The following SGSM1 variants were observed in gnomAD, a reference collection of about 807,000 sequenced individuals.
The protein encoded by SGSM1 is small G protein signaling modulator 1, also known as RUN and TBC1 domain containing 2.
Under a neutral mutation model 133.8 loss-of-function variants are expected in SGSM1, and 73 were observed. The ratio of observed to expected loss-of-function variants is 0.55; its 90% CI spans 0.45 to 0.66. SGSM1 has a LOEUF of 0.66. SGSM1 is among the 30% of genes least tolerant of loss of function. The pLI is 0.00. For missense variants in SGSM1, 1,213 were observed against 1,448.1 expected, an observed-to-expected ratio of 0.84 and a Z score of 2.64; for synonymous variants, 563 against 573.0, an observed-to-expected ratio of 0.98 and a Z score of 0.25.
rs1038536427 is a variant in SGSM1, at chr22:24,876,487, G to A, written c.1292-90G>A. The A allele has an allele frequency of 1.4e-4, 212 of 1,532,308 alleles. 1 individual carries two copies. The highest frequency in any genetic ancestry group is 2.2e-4 in the Middle Eastern group (1 of 4,512). The allele number at this position is 1,532,308 out of a possible 1,614,324, so 94.9% of individuals were successfully genotyped here. ...TTCCTATCTCTGTGCTGGCTGGGGC[G>A]GGTGAGCTGCTTGCTCTAGGGTGAG... On this transcript the variant is annotated intron_variant, in intron 12 of 24. Coordinates refer to ENST00000400358, the MANE Select transcript of SGSM1 (RefSeq NM_001098497.3).
intron 16 of SGSM1, 44 bp from the exon 17 acceptor site, chr22:24,893,387 C>G: frequency 1.9e-6 from 3 of 1,603,414 alleles, no homozygotes; most frequent in Non-Finnish European, 2.6e-6. Flanking sequence ...TCCCCAGGCG[C>G]CCCTTTGTTG....
At chr22:24,839,212 G>A (rs1416270430) in intron 2 of SGSM1, among the ~76,000 whole-genome samples, 4 of 152,068 alleles carry the variant, frequency 2.6e-5, no homozygotes, top group African/African-American at 9.7e-5. Flanking sequence ...ATGCCACCAT[G>A]CCTGGCTAGT....
intron 14 of SGSM1, among the ~76,000 whole-genome samples, chr22:24,882,019 C>G (rs969989992): frequency 2.0e-5 from 3 of 151,672 alleles, no homozygotes; most frequent in African/African-American, 4.8e-5. Flanking sequence ...TGGGGGGGGG[C>G]CTTTTTAATC....
In SGSM1 at chr22:24,868,476, C is replaced by T. The variant is rs777329028; in HGVS notation, c.1095C>T (p.Cys365=). 9.3e-6 allele frequency: 15 copies of T among 1,613,732 alleles called. No homozygotes were observed. Among genetic ancestry groups the T allele is most frequent in the Admixed American group, 1.7e-5 (1 of 60,002 alleles). ...GGCACCTCCTGCAGTTCCTCTCGTG[C>T]CTGGAGAATGGGCTGCTCCCACATG... ...KGGHLLQFLS[C]LENGLLPHGQ... Residue 365 remains cysteine (C), a synonymous_variant, in exon 11 of 25, where the codon TGC becomes TGT. Coordinates refer to ENST00000400358, the MANE Select transcript of SGSM1 (RefSeq NM_001098497.3).
At chr22:24,867,283 C>A in intron 10 of SGSM1, 123 bp downstream of exon 10, 2 of 874,410 alleles carry the variant, frequency 2.3e-6, no homozygotes, top group Non-Finnish European at 3.7e-6. Context: ...GTTACCTGTG[C>A]AACCTTAGGC....
chr22:24,843,230 G>A (rs1033117441), intron 2 of SGSM1, among the ~76,000 whole-genome samples: 102 of 152,134 alleles, frequency 6.7e-4, no homozygotes, highest in African/African-American at 2.2e-3. Flanking sequence ...GTGGAGCACT[G>A]AAATCAGGAG....
At chr22:24,901,532 G>A (rs1312189896) in intron 19 of SGSM1, among the ~76,000 whole-genome samples, 2 of 152,078 alleles carry the variant, frequency 1.3e-5, no homozygotes, top group East Asian at 1.9e-4. Flanking sequence ...AGGCCAGTAC[G>A]TTACCAGAAT....
At chr22:24,924,113 C>T (rs1934107946) in intron 24 of SGSM1, 73 bp from the exon 25 acceptor site, 2 of 1,431,126 alleles carry the variant, frequency 1.4e-6, no homozygotes, top group East Asian at 4.7e-5. Flanking sequence ...AGAGAAGCCT[C>T]CAGGGGCTGG....
At chr22:24,868,993 T>C (rs1049747799) in intron 12 of SGSM1, 138 bp downstream of exon 12, 53 of 1,311,540 alleles carry the variant, frequency 4.0e-5, no homozygotes, top group Middle Eastern at 2.7e-4. Context: ...AGTCGGTTTC[T>C]TGGCAGCCTC....
chr22:24,854,607 T>G (rs1034109963), intron 5 of SGSM1, among the ~76,000 whole-genome samples: 1 of 152,184 alleles, frequency 6.6e-6, no homozygotes, highest in Non-Finnish European at 1.5e-5. Flanking sequence ...AGGCCAGGAA[T>G]TCAAGACCAG....
chr22:24,888,508 C>T (rs1477321757), intron 16 of SGSM1, among the ~76,000 whole-genome samples: 1 of 152,190 alleles, frequency 6.6e-6, no homozygotes, highest in Non-Finnish European at 1.5e-5. Flanking sequence ...TGGCTCACGT[C>T]TATAATCCCA....
chr22:24,890,938 C>G (rs1193508394), intron 16 of SGSM1, among the ~76,000 whole-genome samples: 2 of 152,130 alleles, frequency 1.3e-5, no homozygotes, highest in African/African-American at 2.4e-5. Flanking sequence ...AAGATTTATA[C>G]AACTTATTTT....
chr22:24,838,557 C>T (rs746830832), intron 2 of SGSM1, among the ~76,000 whole-genome samples: 3 of 152,142 alleles, frequency 2.0e-5, no homozygotes, highest in Non-Finnish European at 4.4e-5. Flanking sequence ...AAGTTTCAAG[C>T]TTTTTAAGAC....
chr22:24,814,031 TC>T (rs1164454796), intron 2 of SGSM1: 3 of 152,214 alleles, frequency 2.0e-5, no homozygotes, highest in Non-Finnish European at 4.4e-5. Context: ...GGTCTCACTT[TC>T]CTGCTTTCTA....
chr22:24,838,876 G>A (rs1325712671), intron 2 of SGSM1, among the ~76,000 whole-genome samples: 3 of 149,966 alleles, frequency 2.0e-5, no homozygotes, highest in African/African-American at 7.4e-5. Context: ...GATAGTCAGG[G>A]TTCCATGAGA....
intron 2 of SGSM1, among the ~76,000 whole-genome samples, chr22:24,827,078 C>T (rs1928841531): frequency 6.6e-6 from 1 of 152,150 alleles, no homozygotes; most frequent in Non-Finnish European, 1.5e-5. Context: ...GACAGCTCCG[C>T]ACCCTGGGGC....
At chr22:24,905,304 G>T in intron 21 of SGSM1, 117 bp downstream of exon 21, 1 of 971,628 alleles carries the variant, frequency 1.0e-6, no homozygotes, top group South Asian at 1.3e-5. Flanking sequence ...GTGCTCTGAA[G>T]GCCTGTCTGG....
At chr22:24,807,703 AGT>A (rs147400426) in intron 2 of SGSM1, among the ~76,000 whole-genome samples, 170 of 151,476 alleles carry the variant, frequency 1.1e-3, no homozygotes, top group Non-Finnish European at 1.5e-3. Context: ...CCTGGCTTTC[AGT>A]GTGTGTGTGT....
At chr22:24,883,609 C>G (rs964157721) in intron 14 of SGSM1, among the ~76,000 whole-genome samples, 4 of 152,154 alleles carry the variant, frequency 2.6e-5, no homozygotes, top group Non-Finnish European at 5.9e-5. Context: ...CTCTGTCTTC[C>G]TTGTCTGGAA....
Sources: allele counts gnomAD v4.1 joint callset (sites outside exome capture counted in the v4.1 genomes callset), GRCh38; gene constraint gnomAD v4.1.1; transcripts MANE v1.5; gene names NCBI Gene and HGNC (gene_info 2026-07-23, HGNC 2026-07-21).